Variants in ZNF532 observed in about 807,000 individuals in gnomAD.
ZNF532 encodes the protein zinc finger protein 532.
ZNF532 carries 22 observed loss-of-function variants against 89.3 expected under a neutral mutation model. That is an observed-to-expected ratio of 0.25 (90% CI 0.18 to 0.35). The LOEUF is 0.35. ZNF532 is among the 10% of genes least tolerant of loss of function. The pLI, the probability that ZNF532 is intolerant of heterozygous loss-of-function variation, is 1.00. For synonymous variants in ZNF532, 606 were observed against 649.6 expected, an observed-to-expected ratio of 0.93 and a Z score of 1.02; for missense variants, 1,132 against 1,643.4, an observed-to-expected ratio of 0.69 and a Z score of 5.38.
rs1280441345 is a variant in ZNF532, at chr18:58,888,837, T to TATAAA, written c.-18+23259_-18+23260insTAAAA. On this transcript the variant is annotated intron_variant, in intron 2 of 9. Coordinates refer to ENST00000591808, the MANE Select transcript of ZNF532 (RefSeq NM_001375912.1). ...AAATTATATATATAAATTATATATA[T>TATAAA]AATTTATATATATATAATTTATATA... Among the ~76,000 whole-genome samples, 65 of 49,438 alleles carry TATAAA rather than the reference T, an allele frequency of 1.3e-3. 2 individuals are homozygous for TATAAA. Among genetic ancestry groups the TATAAA allele is most frequent in the African/African-American group, 6.4e-3 (60 of 9,320 alleles). 32.4% of individuals were successfully genotyped at this position (49,438 alleles called of 152,430 possible). A position where few individuals can be genotyped will look rare whatever the true frequency, so the allele number is the denominator to read the frequency against.
intron 2 of ZNF532, among the ~76,000 whole-genome samples, chr18:58,905,823 A>C (rs572134049): frequency 2.0e-5 from 3 of 152,344 alleles, no homozygotes; most frequent in Non-Finnish European, 4.4e-5. Context: ...CTAGGATATC[A>C]CATTACATTT....
At chr18:58,983,379 G>A (rs1460399778) in intron 9 of ZNF532, among the ~76,000 whole-genome samples, 3 of 152,132 alleles carry the variant, frequency 2.0e-5, no homozygotes, top group Admixed American at 6.5e-5. Context: ...CACAAGGGGC[G>A]TTACAGTTCA....
In ZNF532 at chr18:58,945,053, C is replaced by T. The variant is rs145322825; in HGVS notation, c.2706-3014C>T. Among the ~76,000 whole-genome samples, 24 of 152,314 alleles carry T rather than the reference C, an allele frequency of 1.6e-4. 1 individual carries two copies. The East Asian group carries it at 4.6e-3, about 29-fold the overall frequency. ...TCATTGACTTCATCCAGATTCCTCC[C>T]AGTTGTTATGCGTGTCTTTCTCCTC... On this transcript the variant is annotated intron_variant, in intron 5 of 9. Transcript: ENST00000591808.
At chr18:58,884,995 C>CT (rs1190744693) in intron 2 of ZNF532, among the ~76,000 whole-genome samples, 89 of 103,012 alleles carry the variant, frequency 8.6e-4, no homozygotes, top group African/African-American at 2.4e-3. Context: ...TTTTTTTTTT[C>CT]TTTTTTTTTT....
chr18:58,981,425 T>A (rs763979032), intron 8 of ZNF532, 45 bp from the exon 9 acceptor site: 6 of 1,593,738 alleles, frequency 3.8e-6, no homozygotes, highest in Admixed American at 1.8e-5. Flanking sequence ...CACAGGAGCT[T>A]ATTTTGTCAG....
chr18:58,866,793 G>C (rs571513978), intron 2 of ZNF532, among the ~76,000 whole-genome samples: 1 of 152,356 alleles, frequency 6.6e-6, no homozygotes, highest in Non-Finnish European at 1.5e-5. Flanking sequence ...TCCACTATGT[G>C]ATAAAACTGG....
At chr18:58,888,889 T>TATATAAAA (rs1555709716) in intron 2 of ZNF532, among the ~76,000 whole-genome samples, 1 of 39,436 alleles carries the variant, frequency 2.5e-5, no homozygotes, top group Non-Finnish European at 4.1e-5. Flanking sequence ...TATATATATA[T>TATATAAAA]TTTATATATA....
chr18:58,938,602 G>A (rs148747165), intron 4 of ZNF532, among the ~76,000 whole-genome samples: 112 of 152,294 alleles, frequency 7.4e-4, no homozygotes, highest in African/African-American at 2.6e-3. Context: ...CACCTAGGTG[G>A]TTGACCTTCT....
At chr18:58,975,463 T>C (rs1486823524) in intron 7 of ZNF532, among the ~76,000 whole-genome samples, 3 of 152,118 alleles carry the variant, frequency 2.0e-5, no homozygotes, top group Non-Finnish European at 2.9e-5. Flanking sequence ...GGACAAGTTA[T>C]TAGAATGGGA....
intron 7 of ZNF532, among the ~76,000 whole-genome samples, chr18:58,955,833 G>A (rs1325217864): frequency 6.6e-6 from 1 of 152,110 alleles, no homozygotes; most frequent in East Asian, 1.9e-4. Flanking sequence ...TGTAAATACT[G>A]GGTAGTTTTT....
At chr18:58,907,499 T>C (rs147883017) in intron 2 of ZNF532, among the ~76,000 whole-genome samples, 366 of 152,160 alleles carry the variant, frequency 2.4e-3, no homozygotes, top group Middle Eastern at 6.8e-3. Context: ...GAGAAGTTTT[T>C]TGTTTTTTTT....
At chr18:58,881,612 C>A (rs1568229721) in intron 2 of ZNF532, among the ~76,000 whole-genome samples, 1 of 131,768 alleles carries the variant, frequency 7.6e-6, no homozygotes, top group Non-Finnish European at 1.6e-5. Flanking sequence ...GCAGAGCTCA[C>A]CTCAGTTTGT....
intron 8 of ZNF532, chr18:58,979,392 G>GTT (rs375044206): frequency 9.3e-5 from 24 of 257,360 alleles, no homozygotes; most frequent in East Asian, 1.4e-4. Context: ...TACATTGTGT[G>GTT]TTTTTTTTTT....
chr18:58,934,295 T>G (rs1252931282), intron 3 of ZNF532, 138 bp from the exon 4 acceptor site: 1 of 783,062 alleles, frequency 1.3e-6, no homozygotes, highest in African/African-American at 1.7e-5. Flanking sequence ...CAAGTTGGCT[T>G]TTCCCTTGGG....
intron 2 of ZNF532, among the ~76,000 whole-genome samples, chr18:58,899,459 T>TA (rs2059459272): frequency 6.6e-6 from 1 of 152,088 alleles, no homozygotes; most frequent in Non-Finnish European, 1.5e-5. Context: ...CTGAAACACT[T>TA]AATTTTATTT....
At chr18:58,942,068 G>C (rs540804905) in intron 5 of ZNF532, among the ~76,000 whole-genome samples, 90 of 142,114 alleles carry the variant, frequency 6.3e-4, no homozygotes, top group East Asian at 2.2e-3. Flanking sequence ...TGTCGCCCAG[G>C]CTGGAGTGCA....
chr18:58,951,915 C>A (rs1201639619), intron 6 of ZNF532, among the ~76,000 whole-genome samples: 1 of 152,144 alleles, frequency 6.6e-6, no homozygotes, highest in Non-Finnish European at 1.5e-5. Flanking sequence ...TCCCAAAGTG[C>A]TGGGATTACA....
At chr18:58,956,901 G>A (rs1302998912) in intron 7 of ZNF532, among the ~76,000 whole-genome samples, 1 of 152,218 alleles carries the variant, frequency 6.6e-6, no homozygotes, top group East Asian at 1.9e-4. Context: ...TTTCTCTTGG[G>A]AAAATTCAAC....
At chr18:58,933,140 G>A (rs117001517) in intron 3 of ZNF532, among the ~76,000 whole-genome samples, 1 of 152,044 alleles carries the variant, frequency 6.6e-6, no homozygotes, top group Non-Finnish European at 1.5e-5. Flanking sequence ...CCTTGCTGTG[G>A]CTTGTTCTAA....
Sources: gnomAD v4.1 joint callset for allele counts (sites outside exome capture counted in the v4.1 genomes callset) on GRCh38, gnomAD v4.1.1 for gene constraint, MANE v1.5 for transcripts, NCBI Gene and HGNC (gene_info 2026-07-23, HGNC 2026-07-21) for gene names.